Variants in MFSD1 observed in about 807,000 individuals in gnomAD.
The protein encoded by MFSD1 is major facilitator superfamily domain containing 1.
In MFSD1, 59 loss-of-function variants were observed where a neutral mutation model predicts 67.1. That is an observed-to-expected ratio of 0.88 (90% CI 0.71 to 1.09). The LOEUF is 1.09. MFSD1 is among the 50% of genes least tolerant of loss of function. The probability of loss-of-function intolerance (pLI) is 0.00; values close to 1 mark genes in which losing one functional copy is unlikely to be tolerated. For missense variants in MFSD1, 552 were observed against 566.1 expected, an observed-to-expected ratio of 0.97 and a Z score of 0.25; for synonymous variants, 213 against 200.3, an observed-to-expected ratio of 1.06 and a Z score of -0.54.
At chr3:158,827,940 G>C (rs1271532109) in intron 15 of MFSD1, among the ~76,000 whole-genome samples, 3 of 29,946 alleles carry the variant, frequency 1.0e-4, no homozygotes, top group Non-Finnish European at 2.2e-4. Context: ...GAGAGAGAGA[G>C]AGGGGGAGAG....
Position 158,829,148 on chromosome 3 carries a change from A to G in MFSD1, c.*166A>G. On this transcript the variant is annotated 3_prime_UTR_variant, in exon 16 of 16. Transcript: ENST00000415822. ...AAAGTGTATTTGTGAGGCCTGTTTT[A>G]GCCTGTGTCTTTTGTATTGTGTGTT... 2 of 486,646 alleles carry G rather than the reference A, an allele frequency of 4.1e-6. No individual in the cohort carries two copies. Among genetic ancestry groups the G allele is most frequent in the Non-Finnish European group, 6.9e-6 (2 of 290,632 alleles). 30.1% of individuals were successfully genotyped at this position (486,646 alleles called of 1,614,324 possible). A position where few individuals can be genotyped will look rare whatever the true frequency, so the allele number is the denominator to read the frequency against.
In MFSD1 at chr3:158,814,049, G is replaced by A. The variant is rs777313851; in HGVS notation, c.634G>A (p.Gly212Arg). 1.7e-5 allele frequency: 27 copies of A among 1,612,922 alleles called. No individual in the cohort carries two copies. Among genetic ancestry groups the A allele is most frequent in the Non-Finnish European group, 2.1e-5 (25 of 1,179,456 alleles). The change falls in exon 7 of 16, where the codon GGG becomes AGG. Residue 212 changes from glycine to arginine, a missense_variant. Transcript: ENST00000415822. ...LLGSAGHTTL[G>R]ITLMIGGITC... The stretch of plus-strand genomic sequence containing the variant: ...AGGTTCTGCTGGTCACACAACCCTC[G>A]GGATCACACTTATGATTGGTGAGTG...
At chr3:158,822,272 A>G (rs1730721771) in intron 11 of MFSD1, 132 bp downstream of exon 11, 1 of 574,486 alleles carries the variant, frequency 1.7e-6, no homozygotes, top group African/African-American at 1.8e-5. Context: ...CTTGATTCCA[A>G]TATCTACAAA....
intron 7 of MFSD1, among the ~76,000 whole-genome samples, chr3:158,818,958 C>G (rs1730522605): frequency 6.6e-6 from 1 of 152,194 alleles, no homozygotes. Flanking sequence ...GAGCTCACGT[C>G]TACTGATGCT....
intron 1 of MFSD1, 30 bp downstream of exon 1, chr3:158,802,345 C>G (rs1405095475): frequency 1.9e-6 from 3 of 1,609,734 alleles, no homozygotes; most frequent in Non-Finnish European, 2.5e-6. Flanking sequence ...TGGGGCTGAT[C>G]TTTAAGGAAT....
Position 158,829,048 on chromosome 3 carries a change from T to A in MFSD1, c.*66T>A, listed in dbSNP as rs543527427. 3 of 1,499,874 alleles carry A rather than the reference T, an allele frequency of 2.0e-6. No homozygotes were observed. Among genetic ancestry groups the A allele is most frequent in the East Asian group, 4.7e-5 (2 of 42,652 alleles). 92.9% of individuals were successfully genotyped at this position (1,499,874 alleles called of 1,614,324 possible). The stretch of plus-strand genomic sequence containing the variant: ...TCGTTGGTTTGAAAACTTCCATTTT[T>A]AAAAATTTAGAGTTTAGTCATTAGA... On this transcript the variant is annotated 3_prime_UTR_variant, in exon 16 of 16. Transcript: ENST00000415822.
rs947892763 is a variant in MFSD1 at position 158,821,735 on chromosome 3, G to C, written c.920+82G>C. On this transcript the variant is annotated intron_variant, in intron 10 of 15. Transcript: ENST00000415822. ...ATCAAATGTTAAAAGAAGCAAAAAA[G>C]ATGTATGTGACCTAATATTTTTTAA... is the stretch of plus-strand genomic sequence containing the variant. The C allele has an allele frequency of 2.5e-6, 3 of 1,218,366 alleles. No individual in the cohort carries two copies. The East Asian group carries it at 7.0e-5, about 28-fold the overall frequency. The allele number at this position is 1,218,366 out of a possible 1,614,324, so 75.5% of individuals were successfully genotyped here.
rs768078065 is a variant in MFSD1, at chr3:158,802,289, T to C, written c.137T>C (p.Leu46Pro). 1 of 1,610,690 alleles carries C rather than the reference T, an allele frequency of 6.2e-7. No individual in the cohort carries two copies. The highest frequency in any genetic ancestry group is 1.1e-5 in the South Asian group (1 of 90,852). Residue 46 changes from leucine (L) to proline (P), a missense_variant, in exon 1 of 16, where the codon CTG becomes CCG. By Grantham distance (98) the Leu-to-Pro change is moderately conservative (BLOSUM62 -3). Transcript: ENST00000415822. Reference protein sequence around the residue: ...PSRLAHRLLVLLLMCFLGFGS... With the variant: ...PSRLAHRLLVPLLMCFLGFGS... ...CGCCTGGCGCACCGGCTTTTGGTGCTGTTACTGATGTGCTTCCTTGGCTTT... is the reference window on the plus strand; with the variant it reads ...CGCCTGGCGCACCGGCTTTTGGTGCCGTTACTGATGTGCTTCCTTGGCTTT...
intron 5 of MFSD1, among the ~76,000 whole-genome samples, chr3:158,808,243 T>C (rs1729824252): frequency 6.6e-6 from 1 of 152,164 alleles, no homozygotes; most frequent in Non-Finnish European, 1.5e-5. Flanking sequence ...AGGGAAAATA[T>C]TTTTGGGCTA....
At chr3:158,821,738 G>A (rs559387211) in intron 10 of MFSD1, 85 bp downstream of exon 10, 17 of 1,197,750 alleles carry the variant, frequency 1.4e-5, no homozygotes, top group South Asian at 2.7e-5. Context: ...CAAAAAAGAT[G>A]TATGTGACCT....
intron 11 of MFSD1, 150 bp downstream of exon 11, chr3:158,822,290 T>G: frequency 2.0e-6 from 1 of 503,592 alleles, no homozygotes; most frequent in Non-Finnish European, 3.4e-6. Flanking sequence ...AAAATAATTA[T>G]TTTTTAAAGT....
chr3:158,805,048 A>G (rs139471953), intron 2 of MFSD1, among the ~76,000 whole-genome samples: 76 of 152,274 alleles, frequency 5.0e-4, no homozygotes, highest in African/African-American at 1.8e-3. Context: ...CAGGTAGTAT[A>G]TAGAAGTTAT....
intron 9 of MFSD1, among the ~76,000 whole-genome samples, chr3:158,821,190 T>C (rs149627452): frequency 4.9e-4 from 74 of 152,338 alleles, no homozygotes; most frequent in Non-Finnish European, 9.6e-4. Flanking sequence ...TAAGTGTGTT[T>C]GTGTAAGGGT....
rs755385576 is a variant in MFSD1 at position 158,819,773 on chromosome 3, T to C, written c.751+26T>C. 6 of 1,337,802 alleles carry C rather than the reference T, an allele frequency of 4.5e-6. No individual in the cohort carries two copies. The East Asian group carries it at 1.4e-4, about 31-fold the overall frequency. The allele number at this position is 1,337,802 out of a possible 1,614,324, so 82.9% of individuals were successfully genotyped here. On this transcript the variant is annotated intron_variant, in intron 8 of 15. Coordinates refer to ENST00000415822, the MANE Select transcript of MFSD1 (RefSeq NM_022736.4). ...GTAAGTCTAAATGAAAGAATGGGAC[T>C]TAGGGGAATTACGGCCTTTGTGAGA... is the stretch of plus-strand genomic sequence containing the variant.
At chr3:158,805,718 A>G (rs1729690085) in intron 3 of MFSD1, among the ~76,000 whole-genome samples, 2 of 152,158 alleles carry the variant, frequency 1.3e-5, no homozygotes, top group South Asian at 4.1e-4. Context: ...GGAAAATTAT[A>G]CTCACCCTTG....
At chr3:158,809,344 AGTTCTCTT>A in intron 6 of MFSD1, 57 bp downstream of exon 6, 1 of 1,121,660 alleles carries the variant, frequency 8.9e-7, no homozygotes, top group Admixed American at 2.3e-5. Context: ...TAAATCTTAT[AGTTCTCTT>A]AAAAATCACA....
At chr3:158,822,371 T>C (rs1730727022) in intron 11 of MFSD1, 1 of 279,190 alleles carries the variant, frequency 3.6e-6, no homozygotes, top group Non-Finnish European at 6.6e-6. Context: ...TTAACTTCAG[T>C]GCTGAAAGAG....
intron 6 of MFSD1, among the ~76,000 whole-genome samples, chr3:158,810,307 A>AT (rs1729936366): frequency 6.6e-6 from 1 of 152,180 alleles, no homozygotes; most frequent in Non-Finnish European, 1.5e-5. Context: ...TGAATAGAGT[A>AT]TTAAAAAAAA....
chr3:158,804,427 T>C, intron 2 of MFSD1, 56 bp downstream of exon 2: 1 of 1,443,448 alleles, frequency 6.9e-7, no homozygotes, highest in Non-Finnish European at 9.7e-7. Flanking sequence ...AGTGTAGCGG[T>C]GGAGGCATTA....
Sources: gnomAD v4.1 joint callset for allele counts (sites outside exome capture counted in the v4.1 genomes callset) on GRCh38, gnomAD v4.1.1 for gene constraint, MANE v1.5 for transcripts, NCBI Gene and HGNC (gene_info 2026-07-23, HGNC 2026-07-21) for gene names.